Variants in PACRG observed in about 807,000 individuals in gnomAD.
PACRG encodes the protein parkin coregulated gene protein.
Under a neutral mutation model 29.7 loss-of-function variants are expected in PACRG, and 29 were observed. The observed-to-expected ratio is 0.98, with a 90% CI of 0.73 to 1.33. PACRG has a LOEUF of 1.33. Among genes scored for constraint, PACRG ranks in the 40% most tolerant of loss-of-function variants. The probability of loss-of-function intolerance (pLI) is 0.00; values close to 1 mark genes in which losing one functional copy is unlikely to be tolerated. For missense variants in PACRG, 279 were observed against 316.2 expected (o/e 0.88, Z 0.89); for synonymous variants, 116 against 118.7 (o/e 0.98, Z 0.15).
intron 4 of PACRG, among the ~76,000 whole-genome samples, chr6:163,226,381 G>A (rs185030287): frequency 1.6e-4 from 24 of 152,362 alleles, no homozygotes; most frequent in African/African-American, 5.8e-4. Context: ...AGAAGCATGT[G>A]AGGTGATGGA....
chr6:162,753,121 C>T (rs1781635327), intron 1 of PACRG, among the ~76,000 whole-genome samples: 1 of 138,360 alleles, frequency 7.2e-6, no homozygotes, highest in Non-Finnish European at 1.5e-5. Flanking sequence ...TTGAAATTTA[C>T]TCTCTTACTT....
chr6:163,146,120 A>G (rs867439806), intron 4 of PACRG, among the ~76,000 whole-genome samples: 1 of 152,110 alleles, frequency 6.6e-6, no homozygotes, highest in African/African-American at 2.4e-5. Context: ...TATGTACCAG[A>G]TCATCACTCT....
At chr6:162,901,127 A>AT (rs1280291808) in intron 2 of PACRG, among the ~76,000 whole-genome samples, 1 of 152,132 alleles carries the variant, frequency 6.6e-6, no homozygotes, top group Non-Finnish European at 1.5e-5. Flanking sequence ...TAAGACATCC[A>AT]TTTTCTGGTA....
At chr6:162,955,543 C>T (rs1290599400) in intron 2 of PACRG, among the ~76,000 whole-genome samples, 3 of 152,220 alleles carry the variant, frequency 2.0e-5, no homozygotes, top group East Asian at 3.9e-4. Flanking sequence ...TCGTTATCCA[C>T]CCACCTTGGC....
intron 2 of PACRG, among the ~76,000 whole-genome samples, chr6:162,914,830 G>T (rs750888036): frequency 6.6e-6 from 1 of 151,700 alleles, no homozygotes; most frequent in Non-Finnish European, 1.5e-5. Context: ...AATGTTTTAA[G>T]AATTCTATTT....
At chr6:162,961,336 A>G (rs1423224146) in intron 2 of PACRG, among the ~76,000 whole-genome samples, 2 of 152,238 alleles carry the variant, frequency 1.3e-5, no homozygotes, top group African/African-American at 4.8e-5. Context: ...GCAACTGCAA[A>G]GTATCCAGCC....
At chr6:162,826,759 A>G (rs1352841977) in intron 2 of PACRG, among the ~76,000 whole-genome samples, 1 of 152,134 alleles carries the variant, frequency 6.6e-6, no homozygotes, top group Non-Finnish European at 1.5e-5. Flanking sequence ...CACCGCACCC[A>G]GCCAAGATTT....
intron 3 of PACRG, among the ~76,000 whole-genome samples, chr6:163,076,470 C>T (rs1484707971): frequency 2.0e-5 from 3 of 152,118 alleles, no homozygotes; most frequent in Non-Finnish European, 4.4e-5. Flanking sequence ...CAACTTAGCT[C>T]GTAGGGAAAA....
Position 163,256,711 on chromosome 6 carries a change from C to T in PACRG, c.614-58116C>T, listed in dbSNP as rs551478966. Among the ~76,000 whole-genome samples the T allele has an allele frequency of 9.2e-5, 14 of 152,228 alleles. No homozygotes were observed. The South Asian group carries it at 2.7e-3, about 29-fold the overall frequency. On this transcript the variant is annotated intron_variant, in intron 4 of 4. Transcript: ENST00000366888. Reference sequence around the variant, plus strand: ...GGTAGGAGGTGACAGGGAAGGTGGCCGGCAGTTCATGTAGAGACTTCACTG... The same window carrying T: ...GGTAGGAGGTGACAGGGAAGGTGGCTGGCAGTTCATGTAGAGACTTCACTG...
intron 4 of PACRG, among the ~76,000 whole-genome samples, chr6:163,231,800 G>A (rs117653551): frequency 0.014 from 2,165 of 152,218 alleles, 12 homozygotes; most frequent in East Asian, 0.034. Flanking sequence ...TCTCTGAGGT[G>A]GGACCATACA....
chr6:162,745,754 G>T (rs1326680111), intron 1 of PACRG, among the ~76,000 whole-genome samples: 1 of 152,100 alleles, frequency 6.6e-6, no homozygotes, highest in Non-Finnish European at 1.5e-5. Flanking sequence ...TCAAGCCTGT[G>T]TGAGGTAATT....
intron 4 of PACRG, among the ~76,000 whole-genome samples, chr6:163,223,996 C>T (rs1235559757): frequency 6.6e-6 from 1 of 152,066 alleles, no homozygotes; most frequent in Non-Finnish European, 1.5e-5. Context: ...TGGCATTTTT[C>T]ACAGAAATAG....
At chr6:163,012,655 C>T (rs569745593) in intron 2 of PACRG, among the ~76,000 whole-genome samples, 1 of 152,332 alleles carries the variant, frequency 6.6e-6, no homozygotes. Context: ...GGAGCTGTGC[C>T]AGGCTGTGAA....
At chr6:162,738,633 G>A (rs371695847) in intron 1 of PACRG, among the ~76,000 whole-genome samples, 3 of 152,076 alleles carry the variant, frequency 2.0e-5, no homozygotes, top group Admixed American at 6.5e-5. Flanking sequence ...AAAAGGCATA[G>A]CACTATACTG....
At chr6:162,812,028 C>T (rs1786914346) in intron 1 of PACRG, among the ~76,000 whole-genome samples, 1 of 151,992 alleles carries the variant, frequency 6.6e-6, no homozygotes, top group Non-Finnish European at 1.5e-5. Flanking sequence ...TTGTATGATT[C>T]TTGAAATAAC....
chr6:163,014,987 T>C (rs1473026054), intron 2 of PACRG, among the ~76,000 whole-genome samples: 1 of 152,206 alleles, frequency 6.6e-6, no homozygotes, highest in Non-Finnish European at 1.5e-5. Flanking sequence ...TGAGGTCTTA[T>C]ATTTAAATTC....
chr6:162,754,555 T>C (rs946978461), intron 1 of PACRG, among the ~76,000 whole-genome samples: 22 of 152,198 alleles, frequency 1.4e-4, no homozygotes, highest in African/African-American at 5.1e-4. Context: ...ACCAATGTTG[T>C]GGAGCTTCCT....
intron 1 of PACRG, among the ~76,000 whole-genome samples, chr6:162,757,454 C>A (rs1275064924): frequency 2.0e-5 from 3 of 152,068 alleles, no homozygotes; most frequent in African/African-American, 7.2e-5. Flanking sequence ...AGTTTGAGAC[C>A]AGCCTGACTA....
intron 1 of PACRG, among the ~76,000 whole-genome samples, chr6:162,791,005 A>T (rs1321240863): frequency 6.6e-6 from 1 of 152,180 alleles, no homozygotes; most frequent in Non-Finnish European, 1.5e-5. Flanking sequence ...AAGAGGTAGA[A>T]TTTTTTATTA....
Sources: gnomAD v4.1 joint callset for allele counts (sites outside exome capture counted in the v4.1 genomes callset) on GRCh38, gnomAD v4.1.1 for gene constraint, MANE v1.5 for transcripts, NCBI Gene and HGNC (gene_info 2026-07-23, HGNC 2026-07-21) for gene names.